Variants in TRPM7 observed in about 807,000 individuals in gnomAD.
TRPM7 encodes LTRPC ion channel family member 7.
Under a neutral mutation model 229.7 loss-of-function variants are expected in TRPM7, and 134 were observed. The observed-to-expected ratio is 0.58, with a 90% CI of 0.51 to 0.67. TRPM7 has a LOEUF of 0.67. Among genes scored for constraint, TRPM7 ranks in the 30% least tolerant of loss-of-function variants. The pLI is 0.00. For synonymous variants in TRPM7, 699 were observed against 715.2 expected (o/e 0.98, Z 0.36); for missense variants, 1,901 against 2,210.0 (o/e 0.86, Z 2.80).
At chr15:50,566,860 C>T (rs962789569) in intron 38 of TRPM7, among the ~76,000 whole-genome samples, 10 of 151,800 alleles carry the variant, frequency 6.6e-5, no homozygotes, top group Admixed American at 2.6e-4. Flanking sequence ...ACAATGACAA[C>T]GAAAACTGAT....
chr15:50,619,853 A>G, intron 12 of TRPM7, 55 bp from the exon 13 acceptor site: 1 of 1,447,252 alleles, frequency 6.9e-7, no homozygotes, highest in Admixed American at 2.0e-5. Context: ...ACTAATTTAA[A>G]CCTTACAGGA....
At chr15:50,612,107 T>G (rs2060076762) in intron 16 of TRPM7, among the ~76,000 whole-genome samples, 1 of 152,200 alleles carries the variant, frequency 6.6e-6, no homozygotes, top group African/African-American at 2.4e-5. Context: ...CTTCTTTGTT[T>G]CGAGACAGGG....
At chr15:50,672,319 G>A (rs759686821) in intron 1 of TRPM7, among the ~76,000 whole-genome samples, 51 of 151,804 alleles carry the variant, frequency 3.4e-4, no homozygotes, top group Non-Finnish European at 6.5e-4. Context: ...GCCTCCCAAA[G>A]TGCTAGGATT....
chr15:50,643,212 C>T, intron 5 of TRPM7, 128 bp downstream of exon 5: 1 of 699,520 alleles, frequency 1.4e-6, no homozygotes, highest in Non-Finnish European at 2.4e-6. Context: ...TTGCTTGAGC[C>T]CGGGAGGCAG....
Position 50,591,967 on chromosome 15 carries a change from T to C in TRPM7, c.4268A>G (p.Glu1423Gly), listed in dbSNP as rs761356418. Residue 1423 changes from glutamate to glycine, a missense_variant, in exon 26 of 39, where the codon GAA becomes GGA. Physicochemically the swap from Glu to Gly is moderately conservative, Grantham distance 98. Transcript: ENST00000646667. ...SHLETGTKDQ[E>G]TVCSKATEGD... ...TTCTGTAGCTTTAGAGCAAACAGTT[T>C]CTTGATCTTTGGTTCCAGTTTCCAA... is the stretch of plus-strand genomic sequence containing the variant. The C allele has an allele frequency of 5.0e-6, 8 of 1,604,908 alleles. No homozygotes were observed. The East Asian group carries it at 1.6e-4, about 31-fold the overall frequency.
intron 31 of TRPM7, among the ~76,000 whole-genome samples, chr15:50,576,451 T>G (rs764215313): frequency 1.7e-4 from 26 of 152,190 alleles, no homozygotes; most frequent in Non-Finnish European, 1.2e-4. Flanking sequence ...CCTACTGTCT[T>G]GCAGGAAAAG....
In TRPM7 at chr15:50,561,595, A is replaced by G; in HGVS notation, c.*83T>C. ...CTTGCATACACCTTTCTATATTACC[A>G]AACAATTTCCTCCCGAGGGAAAAGT... is the stretch of plus-strand genomic sequence containing the variant. On this transcript the variant is annotated 3_prime_UTR_variant, in exon 39 of 39. Coordinates refer to ENST00000646667, the MANE Select transcript of TRPM7 (RefSeq NM_017672.6). 3.9e-6 allele frequency: 6 copies of G among 1,549,630 alleles called. No homozygotes were observed. Among genetic ancestry groups the G allele is most frequent in the South Asian group, 1.2e-5 (1 of 85,272 alleles).
chr15:50,638,615 C>A (rs2060993210), intron 6 of TRPM7, among the ~76,000 whole-genome samples: 1 of 151,756 alleles, frequency 6.6e-6, no homozygotes, highest in African/African-American at 2.4e-5. Context: ...CATGAGTAGA[C>A]TCAAAAACTG....
At chr15:50,589,792 T>C (rs8031437) in intron 26 of TRPM7, 136 bp from the exon 27 acceptor site, 5,673 of 520,416 alleles carry the variant, frequency 0.011, 300 homozygotes, top group African/African-American at 0.1. Context: ...CAGTCTCCTT[T>C]AGCTCTTTTG....
At chr15:50,587,635 G>A (rs1215455011) in intron 27 of TRPM7, among the ~76,000 whole-genome samples, 2 of 151,936 alleles carry the variant, frequency 1.3e-5, no homozygotes, top group South Asian at 2.1e-4. Flanking sequence ...TTCCCATTAA[G>A]AAATGTCCAT....
chr15:50,638,102 G>A (rs2060963453), intron 6 of TRPM7, among the ~76,000 whole-genome samples: 5 of 151,944 alleles, frequency 3.3e-5, no homozygotes, highest in Admixed American at 2.0e-4. Flanking sequence ...GCTCACGCCT[G>A]TAATCCCAGC....
chr15:50,613,269 T>C (rs2140486167), intron 15 of TRPM7, among the ~76,000 whole-genome samples: 1 of 152,214 alleles, frequency 6.6e-6, no homozygotes, highest in East Asian at 1.9e-4. Context: ...TTTGGGAGGC[T>C]GAGGAGGATG....
At chr15:50,593,078 C>A (rs1231859183) in intron 25 of TRPM7, among the ~76,000 whole-genome samples, 5 of 152,050 alleles carry the variant, frequency 3.3e-5, no homozygotes, top group Non-Finnish European at 7.4e-5. Context: ...ATCACGAGGT[C>A]AGGAGTTCGA....
At chr15:50,624,375 T>A in intron 11 of TRPM7, 75 bp from the exon 12 acceptor site, 1 of 1,250,724 alleles carries the variant, frequency 8.0e-7, no homozygotes, top group Non-Finnish European at 1.1e-6. Context: ...GTTAAGTCCT[T>A]AGGATTTACA....
At chr15:50,671,967 A>G (rs1441050592) in intron 1 of TRPM7, among the ~76,000 whole-genome samples, 1 of 148,534 alleles carries the variant, frequency 6.7e-6, no homozygotes, top group Admixed American at 6.7e-5. Flanking sequence ...ATACTTTGTA[A>G]TAATAAATGA....
At chr15:50,583,580 GT>G (rs3077872) in intron 28 of TRPM7, among the ~76,000 whole-genome samples, 18 of 136,812 alleles carry the variant, frequency 1.3e-4, no homozygotes, top group Admixed American at 7.3e-5. Context: ...TTAGAGTTTT[GT>G]TTTTTTTTTT....
At chr15:50,619,632 G>A (rs1330277779) in intron 13 of TRPM7, 113 bp downstream of exon 13, 1 of 912,432 alleles carries the variant, frequency 1.1e-6, no homozygotes, top group Non-Finnish European at 1.6e-6. Context: ...TCTGTAAACT[G>A]TAATTTTATT....
intron 1 of TRPM7, among the ~76,000 whole-genome samples, chr15:50,677,751 A>G (rs868761433): frequency 4.7e-5 from 7 of 148,228 alleles, no homozygotes; most frequent in South Asian, 2.1e-4. Context: ...AAAAAAAAAA[A>G]AAAAAAAAAC....
chr15:50,644,797 C>CAAAAAA (rs201997665), intron 4 of TRPM7, among the ~76,000 whole-genome samples: 12 of 64,746 alleles, frequency 1.9e-4, no homozygotes, highest in African/African-American at 6.2e-4. Context: ...AACTGCGTCT[C>CAAAAAA]AAAAAAAAAA....
Sources: allele counts gnomAD v4.1 joint callset (sites outside exome capture counted in the v4.1 genomes callset), GRCh38; gene constraint gnomAD v4.1.1; transcripts MANE v1.5; gene names NCBI Gene and HGNC (gene_info 2026-07-23, HGNC 2026-07-21).